The following ABCC4 variants were observed in gnomAD, a reference collection of about 807,000 sequenced individuals.
ABCC4 encodes the protein ATP-binding cassette sub-family C member 4.
ABCC4 carries 102 observed loss-of-function variants against 168.5 expected under a neutral mutation model. The ratio of observed to expected loss-of-function variants is 0.61; its 90% CI spans 0.52 to 0.71. The LOEUF is 0.71. Among genes scored for constraint, ABCC4 ranks in the 30% least tolerant of loss-of-function variants. ABCC4 has a pLI of 0.00. For synonymous variants in ABCC4, 617 were observed against 590.7 expected (o/e 1.04, Z -0.65); for missense variants, 1,402 against 1,605.8 (o/e 0.87, Z 2.17).
At chr13:95,262,170 A>G (rs1246345567) in intron 1 of ABCC4, among the ~76,000 whole-genome samples, 1 of 152,224 alleles carries the variant, frequency 6.6e-6, no homozygotes, top group African/African-American at 2.4e-5. Flanking sequence ...CCCGCACACC[A>G]GGTCCCAGGA....
intron 20 of ABCC4, among the ~76,000 whole-genome samples, chr13:95,084,298 A>G (rs1362391906): frequency 3.3e-5 from 5 of 152,228 alleles, no homozygotes; most frequent in Non-Finnish European, 7.3e-5. Flanking sequence ...CACCAGTCAC[A>G]GAGCTGAGGA....
chr13:95,201,993 T>C (rs959297067), intron 8 of ABCC4, among the ~76,000 whole-genome samples: 1 of 152,078 alleles, frequency 6.6e-6, no homozygotes, highest in Non-Finnish European at 1.5e-5. Flanking sequence ...AAGACTGTGA[T>C]GGTGAATTTT....
rs182062199 is a variant in ABCC4 at position 95,221,351 on chromosome 13, C to T, written c.532-10570G>A. ...TCAGGTAATCCTCCCACCTCAGCCTCCCAAGTAGCTGAGACTACTGGTACA... is the reference window on the plus strand; with the variant it reads ...TCAGGTAATCCTCCCACCTCAGCCTTCCAAGTAGCTGAGACTACTGGTACA... On this transcript the variant is annotated intron_variant, in intron 4 of 30. Transcript: ENST00000645237. Among the ~76,000 whole-genome samples the T allele has an allele frequency of 2.6e-3, 391 of 152,276 alleles. 8 individuals carry two copies. The highest frequency in any genetic ancestry group is 0.025 in the Admixed American group (375 of 15,292).
chr13:95,098,563 A>G (rs2034689319), intron 20 of ABCC4, among the ~76,000 whole-genome samples: 1 of 152,200 alleles, frequency 6.6e-6, no homozygotes, highest in Non-Finnish European at 1.5e-5. Context: ...TTCATGCAAA[A>G]AGTTCTCCAG....
intron 4 of ABCC4, among the ~76,000 whole-genome samples, chr13:95,224,147 T>G (rs180908943): frequency 6.9e-6 from 1 of 144,526 alleles, no homozygotes; most frequent in African/African-American, 2.6e-5. Context: ...AAATTATACC[T>G]AGGATCATTA....
chr13:95,227,072 T>C (rs1416476550), intron 4 of ABCC4, among the ~76,000 whole-genome samples: 5 of 152,178 alleles, frequency 3.3e-5, no homozygotes, highest in Admixed American at 6.5e-5. Context: ...AGAGAGCAGT[T>C]TGAGGAACCA....
intron 27 of ABCC4, among the ~76,000 whole-genome samples, chr13:95,051,000 C>A (rs2032807165): frequency 6.6e-6 from 1 of 152,156 alleles, no homozygotes; most frequent in African/African-American, 2.4e-5. Flanking sequence ...TAAACCTGTC[C>A]TGAGAGTTTA....
chr13:95,064,260 G>GTGTATATATATATA (rs1269029410), intron 25 of ABCC4, among the ~76,000 whole-genome samples: 2 of 21,506 alleles, frequency 9.3e-5, no homozygotes, highest in African/African-American at 4.4e-4. Context: ...GTGTGTGTGT[G>GTGTATATATATATA]TATATATATA....
intron 9 of ABCC4, among the ~76,000 whole-genome samples, chr13:95,191,923 G>A (rs2038264717): frequency 6.6e-6 from 1 of 152,222 alleles, no homozygotes; most frequent in African/African-American, 2.4e-5. Flanking sequence ...GCACTGGTGG[G>A]CTGCAGCCAG....
chr13:95,216,829 C>G (rs1245182555), intron 4 of ABCC4, among the ~76,000 whole-genome samples: 1 of 152,084 alleles, frequency 6.6e-6, no homozygotes, highest in Non-Finnish European at 1.5e-5. Context: ...ATTAACAACT[C>G]TTGGGGAGGA....
chr13:95,113,918 T>G (rs918318702), intron 20 of ABCC4, among the ~76,000 whole-genome samples: 1 of 152,202 alleles, frequency 6.6e-6, no homozygotes, highest in Non-Finnish European at 1.5e-5. Flanking sequence ...ATTTAGCTAA[T>G]ACTATTTTTA....
intron 1 of ABCC4, among the ~76,000 whole-genome samples, chr13:95,289,209 C>G (rs2041333505): frequency 6.6e-6 from 1 of 152,150 alleles, no homozygotes; most frequent in Non-Finnish European, 1.5e-5. Context: ...TAAAATGCAC[C>G]AATAAAGATC....
intron 19 of ABCC4, among the ~76,000 whole-genome samples, chr13:95,142,931 A>G (rs1469598263): frequency 6.6e-6 from 1 of 152,238 alleles, no homozygotes; most frequent in Non-Finnish European, 1.5e-5. Flanking sequence ...AAGGAATAAA[A>G]TGGATGATAG....
chr13:95,292,602 G>A (rs2041429952), intron 1 of ABCC4, among the ~76,000 whole-genome samples: 1 of 152,164 alleles, frequency 6.6e-6, no homozygotes, highest in Non-Finnish European at 1.5e-5. Flanking sequence ...AAAGAAAACT[G>A]TGGCTCAATA....
intron 27 of ABCC4, among the ~76,000 whole-genome samples, chr13:95,045,105 C>G (rs964201083): frequency 6.6e-6 from 1 of 152,144 alleles, no homozygotes; most frequent in Non-Finnish European, 1.5e-5. Context: ...AACATGACAG[C>G]CAACAAGAAC....
chr13:95,177,823 C>A (rs969602982), intron 12 of ABCC4, 30 bp from the exon 13 acceptor site: 4 of 1,580,880 alleles, frequency 2.5e-6, no homozygotes, highest in Non-Finnish European at 3.5e-6. Context: ...ATCAGACTCT[C>A]ACCCAGGAAC....
At chr13:95,145,900 G>C (rs569483345) in intron 19 of ABCC4, among the ~76,000 whole-genome samples, 1 of 152,242 alleles carries the variant, frequency 6.6e-6, no homozygotes, top group South Asian at 2.1e-4. Context: ...TAAACATTTA[G>C]TACATGTGGA....
intron 29 of ABCC4, among the ~76,000 whole-genome samples, chr13:95,042,976 G>C (rs554678013): frequency 6.1e-4 from 93 of 152,236 alleles, no homozygotes; most frequent in African/African-American, 2.2e-3. Context: ...CCCCACGTTG[G>C]CCAGGCTGGT....
intron 11 of ABCC4, among the ~76,000 whole-genome samples, chr13:95,183,625 C>T (rs1424757602): frequency 1.3e-5 from 2 of 152,242 alleles, no homozygotes; most frequent in East Asian, 1.9e-4. Context: ...AAGTGGACAC[C>T]GAGCTGGTCG....
Sources: allele counts gnomAD v4.1 joint callset (sites outside exome capture counted in the v4.1 genomes callset), GRCh38; gene constraint gnomAD v4.1.1; transcripts MANE v1.5; gene names NCBI Gene and HGNC (gene_info 2026-07-23, HGNC 2026-07-21).